CYYR1: variants seen among roughly 807,000 people sequenced by gnomAD.
CYYR1 encodes the protein cysteine and tyrosine-rich protein 1.
In CYYR1, 14 loss-of-function variants were observed where a neutral mutation model predicts 15.2. The observed-to-expected ratio is 0.92, with a 90% CI of 0.61 to 1.44. CYYR1 has a LOEUF of 1.44. Among genes scored for constraint, CYYR1 ranks in the 40% most tolerant of loss-of-function variants. CYYR1 has a pLI of 0.00. For missense variants in CYYR1, 228 were observed against 209.5 expected (o/e 1.09, Z -0.54); for synonymous variants, 80 against 77.4 (o/e 1.03, Z -0.18).
At chr21:26,505,838 C>T (rs371767486) in intron 2 of CYYR1, among the ~76,000 whole-genome samples, 2 of 152,002 alleles carry the variant, frequency 1.3e-5, no homozygotes, top group Non-Finnish European at 2.9e-5. Context: ...TTCGTAAGCG[C>T]GAGAGAAGAA....
intron 2 of CYYR1, among the ~76,000 whole-genome samples, chr21:26,514,148 G>T (rs1393651372): frequency 6.6e-6 from 1 of 152,036 alleles, no homozygotes; most frequent in Non-Finnish European, 1.5e-5. Context: ...GTTGGGTGGG[G>T]GCTCCAGAAA....
rs368743498 is a variant in CYYR1 at position 26,499,153 on chromosome 21, C to T, written c.177-18724G>A. On this transcript the variant is annotated intron_variant, in intron 2 of 3. Transcript: ENST00000652641. ...AAAAGATATGTCCATGTTCTAATTC[C>T]CTGAACCATATTTGGAAAGGGTCTT... Among the ~76,000 whole-genome samples the T allele has an allele frequency of 1.0e-3, 155 of 152,230 alleles. 1 individual carries two copies. Among genetic ancestry groups the T allele is most frequent in the African/African-American group, 3.5e-3 (146 of 41,538 alleles).
chr21:26,550,397 TGAAAG>T (rs1207537149), intron 2 of CYYR1: 1 of 152,034 alleles, frequency 6.6e-6, no homozygotes, highest in African/African-American at 2.4e-5. Context: ...AGAGTTAAAA[TGAAAG>T]GAAGTGTAAA....
intron 2 of CYYR1, among the ~76,000 whole-genome samples, chr21:26,480,859 G>A (rs2065170970): frequency 6.6e-6 from 1 of 152,096 alleles, no homozygotes; most frequent in South Asian, 2.1e-4. Context: ...AGAATATTAA[G>A]TGAAATTTAA....
Position 26,480,320 on chromosome 21 carries a change from C to T in CYYR1, c.286G>A (p.Val96Met), listed in dbSNP as rs139201954. ...ATGTGAGTCGTCCTGAGGATGCCCA[C>T]GCGGGTCGCCCTGTGGTTCTTCATG... ...MCMKNHRATR[V>M]GILRTTHINT... The change falls in exon 3 of 4, where the codon GTG becomes ATG. Residue 96 changes from valine to methionine, a missense_variant. Val to Met is a conservative substitution (Grantham distance 21). Transcript: ENST00000652641. 5.2e-5 allele frequency: 84 copies of T among 1,613,376 alleles called. No homozygotes were observed. In the African/African-American group the frequency reaches 7.3e-4, roughly 14 times the overall value.
intron 2 of CYYR1, among the ~76,000 whole-genome samples, chr21:26,553,735 C>T (rs892739718): frequency 6.6e-6 from 1 of 152,140 alleles, no homozygotes; most frequent in Non-Finnish European, 1.5e-5. Context: ...GGAGGCAGAG[C>T]GTGGAGCTTG....
At chr21:26,533,578 G>T (rs2065959845) in intron 2 of CYYR1, among the ~76,000 whole-genome samples, 1 of 152,114 alleles carries the variant, frequency 6.6e-6, no homozygotes, top group Non-Finnish European at 1.5e-5. Context: ...ATTGGTGAGG[G>T]TGATCTTCTT....
chr21:26,482,575 T>A (rs2065197094), intron 2 of CYYR1: 1 of 921,758 alleles, frequency 1.1e-6, no homozygotes, highest in Admixed American at 6.2e-5. Context: ...AGCACGTTCC[T>A]GAATGGCTTC....
intron 1 of CYYR1, among the ~76,000 whole-genome samples, chr21:26,567,663 G>C (rs892931650): frequency 3.9e-5 from 6 of 151,924 alleles, no homozygotes; most frequent in Non-Finnish European, 5.9e-5. Context: ...CTCAATTCCT[G>C]AAGGTAATAT....
In CYYR1 at chr21:26,569,841, C is replaced by T. The variant is rs774325446; in HGVS notation, c.73+3027G>A. On this transcript the variant is annotated intron_variant, in intron 1 of 3. Transcript: ENST00000652641. ...GTGTTATCAAAATATTTTGAGCCAA[C>T]GTTACAGGAAACCAAGCCCAAAATG... Among the ~76,000 whole-genome samples, 3 of 152,282 alleles carry T rather than the reference C, an allele frequency of 2.0e-5. No individual in the cohort carries two copies. In the South Asian group the frequency reaches 6.2e-4, roughly 32 times the overall value.
chr21:26,549,577 G>A (rs1056471865), intron 2 of CYYR1, among the ~76,000 whole-genome samples: 11 of 151,982 alleles, frequency 7.2e-5, no homozygotes, highest in African/African-American at 1.7e-4. Flanking sequence ...CACCTACAGG[G>A]CACATTCTGT....
chr21:26,494,634 A>AT lies in CYYR1; in HGVS notation c.177-14206dup, dbSNP rs149767208. 5.1e-3 allele frequency among the ~76,000 whole-genome samples: 765 copies of AT among 150,112 alleles called. 8 individuals carry two copies. Among genetic ancestry groups the AT allele is most frequent in the Non-Finnish European group, 5.2e-3 (351 of 67,350 alleles). On this transcript the variant is annotated intron_variant, in intron 2 of 3. Transcript: ENST00000652641. ...GTTGGTGTGGAAGATATCTTCTGTG[A>AT]TTTTTTTTTTCCCCTTAAAAGAGTA... is the stretch of plus-strand genomic sequence containing the variant.
chr21:26,496,544 A>C (rs1204860070), intron 2 of CYYR1, among the ~76,000 whole-genome samples: 3 of 152,230 alleles, frequency 2.0e-5, no homozygotes, highest in Admixed American at 2.0e-4. Context: ...TTTAACATAG[A>C]ATCATTTTTT....
At chr21:26,524,696 T>C (rs1163061488) in intron 2 of CYYR1, among the ~76,000 whole-genome samples, 1 of 152,246 alleles carries the variant, frequency 6.6e-6, no homozygotes, top group Non-Finnish European at 1.5e-5. Context: ...TTAACATTTT[T>C]GTGTACACAT....
At chr21:26,538,821 A>G (rs1032424196) in intron 2 of CYYR1, among the ~76,000 whole-genome samples, 1 of 152,214 alleles carries the variant, frequency 6.6e-6, no homozygotes, top group African/African-American at 2.4e-5. Context: ...GGTAAAGTCT[A>G]GGATCCTGTT....
At chr21:26,497,917 T>A (rs2123465719) in intron 2 of CYYR1, among the ~76,000 whole-genome samples, 1 of 152,314 alleles carries the variant, frequency 6.6e-6, no homozygotes, top group Non-Finnish European at 1.5e-5. Context: ...TCTTATGCCC[T>A]CTATTGAATT....
At chr21:26,540,384 G>A (rs1978463627) in intron 2 of CYYR1, among the ~76,000 whole-genome samples, 1 of 152,138 alleles carries the variant, frequency 6.6e-6, no homozygotes, top group South Asian at 2.1e-4. Flanking sequence ...GCTAAATCCC[G>A]AACAGAAACC....
chr21:26,495,916 A>G (rs1166196769), intron 2 of CYYR1, among the ~76,000 whole-genome samples: 1 of 152,162 alleles, frequency 6.6e-6, no homozygotes, highest in African/African-American at 2.4e-5. Context: ...GGCAGATGAA[A>G]CTTCCAAGGA....
Position 26,467,635 on chromosome 21 carries a change from C to T in CYYR1, c.*866G>A, listed in dbSNP as rs935824516. The T allele has an allele frequency of 3.3e-5, 5 of 151,742 alleles. No individual in the cohort carries two copies. Among genetic ancestry groups the T allele is most frequent in the African/African-American group, 4.8e-5 (2 of 41,332 alleles). 9.4% of individuals were successfully genotyped at this position (151,742 alleles called of 1,614,324 possible). A position where few individuals can be genotyped will look rare whatever the true frequency, so the allele number is the denominator to read the frequency against. ...ACTTGATACAATTTTTTTTTTCTCC[C>T]CACAGTTAGAATAACCTTTATTCTG... On this transcript the variant is annotated 3_prime_UTR_variant, in exon 4 of 4. Transcript: ENST00000652641.
Sources: gnomAD v4.1 joint callset for allele counts (sites outside exome capture counted in the v4.1 genomes callset) on GRCh38, gnomAD v4.1.1 for gene constraint, MANE v1.5 for transcripts, NCBI Gene and HGNC (gene_info 2026-07-23, HGNC 2026-07-21) for gene names.